Variants in XKR3 observed in about 807,000 individuals in gnomAD.
The protein encoded by XKR3 is XK-related protein 3.
Under a neutral mutation model 40.3 loss-of-function variants are expected in XKR3, and 27 were observed. That is an observed-to-expected ratio of 0.67 (90% CI 0.49 to 0.92). The LOEUF is 0.92. XKR3 is among the 40% of genes least tolerant of loss of function. The probability of loss-of-function intolerance (pLI) is 0.00; values close to 1 mark genes in which losing one functional copy is unlikely to be tolerated. For missense variants in XKR3, 472 were observed against 537.6 expected (o/e 0.88, Z 1.21); for synonymous variants, 193 against 195.4 (o/e 0.99, Z 0.10).
intron 2 of XKR3, among the ~76,000 whole-genome samples, chr22:16,804,159 G>C (rs4819892): frequency 0.87 from 132,653 of 152,052 alleles, 58,156 homozygotes; most frequent in African/African-American, 0.96. Context: ...CTCAGACTAG[G>C]AAAAGCCATC....
In XKR3 at chr22:16,816,178, CATA is replaced by C. The variant is rs1226108335; in HGVS notation, c.-10-8098_-10-8096del. On this transcript the variant is annotated intron_variant, in intron 1 of 3. Coordinates refer to ENST00000684488, the MANE Select transcript of XKR3 (RefSeq NM_001386955.1). ...TCTAATATGATTACTCTCTTATCTA[CATA>C]ATATCTGATTAGATATCTTTTTATT... 3.9e-5 allele frequency among the ~76,000 whole-genome samples: 6 copies of C among 151,910 alleles called. No homozygotes were observed. The South Asian group carries it at 6.2e-4, about 16-fold the overall frequency.
chr22:16,790,907 A>AAG (rs1555896173), intron 3 of XKR3, among the ~76,000 whole-genome samples: 97 of 148,594 alleles, frequency 6.5e-4, no homozygotes, highest in Middle Eastern at 7.0e-3. Context: ...AAAAAAAAAA[A>AAG]GAATATGGAG....
At chr22:16,801,088 G>T (rs1012367546) in intron 2 of XKR3, among the ~76,000 whole-genome samples, 1 of 152,124 alleles carries the variant, frequency 6.6e-6, no homozygotes, top group Non-Finnish European at 1.5e-5. Flanking sequence ...AGAAAAGAGT[G>T]ACAAAGCCTA....
intron 1 of XKR3, among the ~76,000 whole-genome samples, chr22:16,821,077 CT>C (rs1413764027): frequency 6.6e-6 from 1 of 152,092 alleles, no homozygotes; most frequent in Non-Finnish European, 1.5e-5. Flanking sequence ...AGAGTTAAGT[CT>C]TCAACTCTGA....
intron 2 of XKR3, among the ~76,000 whole-genome samples, chr22:16,800,948 C>A (rs2060166145): frequency 6.6e-6 from 1 of 151,880 alleles, no homozygotes; most frequent in South Asian, 2.1e-4. Flanking sequence ...ATATAAAAAA[C>A]ACTGGGTAAA....
chr22:16,823,581 C>G (rs2060264479), intron 1 of XKR3, among the ~76,000 whole-genome samples: 1 of 152,182 alleles, frequency 6.6e-6, no homozygotes, highest in Non-Finnish European at 1.5e-5. Flanking sequence ...ATGTACAGAA[C>G]TGGTGATGAA....
At chr22:16,786,610 C>T (rs1201849624) in intron 3 of XKR3, among the ~76,000 whole-genome samples, 1 of 152,204 alleles carries the variant, frequency 6.6e-6, no homozygotes, top group Non-Finnish European at 1.5e-5. Flanking sequence ...GCTACAGGTG[C>T]AACCTGGCAC....
chr22:16,819,555 A>G (rs2060247378), intron 1 of XKR3, among the ~76,000 whole-genome samples: 1 of 152,200 alleles, frequency 6.6e-6, no homozygotes, highest in Admixed American at 6.6e-5. Flanking sequence ...GTGGACATCC[A>G]TAGGTTAAGG....
At chr22:16,801,330 G>T (rs545716214) in intron 2 of XKR3, among the ~76,000 whole-genome samples, 1 of 152,274 alleles carries the variant, frequency 6.6e-6, no homozygotes, top group South Asian at 2.1e-4. Context: ...GATCCCTTGA[G>T]CTCAGGAGTT....
In XKR3 at chr22:16,807,884, T is replaced by TCGAAA. The variant is rs769102083; in HGVS notation, c.189_190insTTTCG (p.Thr64PhefsTer24). The TCGAAA allele has an allele frequency of 2.5e-6, 4 of 1,614,022 alleles. No homozygotes were observed. Among genetic ancestry groups the TCGAAA allele is most frequent in the Non-Finnish European group, 3.4e-6 (4 of 1,179,934 alleles). ...CTGATGGTAAATGACATCCAGAATGTGTCATTAGCTTTTCGATAAATTTCA... is the reference window on the plus strand; with the variant it reads ...CTGATGGTAAATGACATCCAGAATGTCGAAAGTCATTAGCTTTTCGATAAATTTCA... On this transcript the variant is annotated frameshift_variant, in exon 2 of 4. Transcript: ENST00000684488. LOFTEE classifies it high-confidence loss of function.
Position 16,808,064 on chromosome 22 carries a change from C to A in XKR3, c.10G>T (p.Val4Leu). Reference protein sequence around the residue: METVFEEMDEESTG... With the variant: METLFEEMDEESTG... ...CTTTCTTCATCCATCTCTTCAAACA[C>A]TGTCTCCATTCTCAGGGTGCTGCTA... The change falls in exon 2 of 4, where the codon GTG becomes TTG. Residue 4 changes from valine to leucine, a missense_variant. Coordinates refer to ENST00000684488, the MANE Select transcript of XKR3 (RefSeq NM_001386955.1). 1 of 1,600,914 alleles carries A rather than the reference C, an allele frequency of 6.2e-7. No individual in the cohort carries two copies. Among genetic ancestry groups the A allele is most frequent in the Non-Finnish European group, 8.5e-7 (1 of 1,174,070 alleles).
intron 3 of XKR3, among the ~76,000 whole-genome samples, chr22:16,784,837 G>A (rs1204049938): frequency 1.3e-5 from 2 of 152,310 alleles, no homozygotes; most frequent in East Asian, 3.9e-4. Context: ...GTGTTAACTA[G>A]GAAGTTAGCA....
At chr22:16,791,788 A>AGAGAGGGAGAGAGG (rs2060118879) in intron 3 of XKR3, among the ~76,000 whole-genome samples, 1 of 39,988 alleles carries the variant, frequency 2.5e-5, no homozygotes, top group African/African-American at 9.0e-5. Context: ...GGAGAGAGAG[A>AGAGAGGGAGAGAGG]GAGAGAGAGA....
chr22:16,809,009 G>C lies in XKR3; in HGVS notation c.-10-926C>G, dbSNP rs142117935. On this transcript the variant is annotated intron_variant, in intron 1 of 3. Coordinates refer to ENST00000684488, the MANE Select transcript of XKR3 (RefSeq NM_001386955.1). ...TAATATTTCCCCAGAAGACGTTGGT[G>C]GTTTTTAAAAACATATTAATGGGAA... Among the ~76,000 whole-genome samples the C allele has an allele frequency of 6.2e-4, 95 of 152,140 alleles. 2 individuals carry two copies. Among genetic ancestry groups the C allele is most frequent in the African/African-American group, 2.1e-3 (89 of 41,512 alleles).
chr22:16,809,997 C>G (rs1306985963), intron 1 of XKR3, among the ~76,000 whole-genome samples: 4 of 152,202 alleles, frequency 2.6e-5, no homozygotes, highest in Non-Finnish European at 5.9e-5. Flanking sequence ...AGCCTTCTGC[C>G]CGCCTCAGGC....
At chr22:16,792,916 G>A (rs1173610757) in intron 3 of XKR3, among the ~76,000 whole-genome samples, 1 of 152,164 alleles carries the variant, frequency 6.6e-6, no homozygotes, top group East Asian at 1.9e-4. Context: ...TAATCAACAT[G>A]CGTCTGGTTC....
Position 16,807,898 on chromosome 22 carries a change from C to T in XKR3, c.176G>A (p.Arg59Gln), listed in dbSNP as rs762843866. The change falls in exon 2 of 4, where the codon CGA becomes CAA. Residue 59 changes from arginine (R) to glutamine (Q), a missense_variant. Transcript: ENST00000684488. ...AFGLYMFEIY[R>Q]KANDTFWMSF... ...CATCCAGAATGTGTCATTAGCTTTT[C>T]GATAAATTTCAAACATGTATAAACC... 1.8e-5 allele frequency: 29 copies of T among 1,613,860 alleles called. No homozygotes were observed. In the East Asian group the frequency reaches 2.0e-4, roughly 11 times the overall value.
intron 1 of XKR3, among the ~76,000 whole-genome samples, chr22:16,815,319 C>T (rs993659715): frequency 1.3e-5 from 2 of 151,942 alleles, no homozygotes; most frequent in South Asian, 2.1e-4. Context: ...TGAAATGCAC[C>T]TCTTCTCATA....
intron 1 of XKR3, among the ~76,000 whole-genome samples, chr22:16,815,633 C>A (rs1056514171): frequency 6.6e-6 from 1 of 151,844 alleles, no homozygotes; most frequent in Non-Finnish European, 1.5e-5. Context: ...GGTTAAGACA[C>A]ATATTTACTT....
Sources: gnomAD v4.1 joint callset for allele counts (sites outside exome capture counted in the v4.1 genomes callset) on GRCh38, gnomAD v4.1.1 for gene constraint, MANE v1.5 for transcripts, NCBI Gene and HGNC (gene_info 2026-07-23, HGNC 2026-07-21) for gene names.